The following RBFOX1 variants were observed in gnomAD, a reference collection of about 807,000 sequenced individuals.
The protein encoded by RBFOX1 is RNA binding protein fox-1 homolog 1.
Under a neutral mutation model 57.7 loss-of-function variants are expected in RBFOX1, and 8 were observed. The ratio of observed to expected loss-of-function variants is 0.14; its 90% confidence interval spans 0.08 to 0.25. The LOEUF (loss-of-function observed/expected upper bound fraction) is 0.25. Ranked by LOEUF, RBFOX1 falls within the 10% of genes least tolerant of loss-of-function variation. The pLI is 1.00. For synonymous variants in RBFOX1, 326 were observed against 222.4 expected (o/e 1.47, Z -4.15); for missense variants, 611 against 548.5 (o/e 1.11, Z -1.14).
chr16:6,487,144 C>CTGTGTGTGTGTGTGTGTGTGTG (rs60180975), intron 2 of RBFOX1, among the ~76,000 whole-genome samples: 2 of 140,116 alleles, frequency 1.4e-5, no homozygotes, highest in African/African-American at 5.3e-5. Flanking sequence ...TGTGGGGTTT[C>CTGTGTGTGTGTGTGTGTGTGTG]TGTGTGTGTG....
chr16:6,840,512 G>C (rs1389226701), intron 3 of RBFOX1, among the ~76,000 whole-genome samples: 2 of 152,110 alleles, frequency 1.3e-5, no homozygotes, highest in African/African-American at 2.4e-5. Context: ...CTAATCCCAA[G>C]GTGATAGTAT....
At chr16:5,425,425 A>G (rs74724805) in intron 1 of RBFOX1, among the ~76,000 whole-genome samples, 2,988 of 152,096 alleles carry the variant, frequency 0.02, 48 homozygotes, top group South Asian at 0.032. Flanking sequence ...TTTCTATGCT[A>G]AGTCCCCAAA....
intron 3 of RBFOX1, among the ~76,000 whole-genome samples, chr16:6,733,020 C>G (rs1374030046): frequency 6.6e-6 from 1 of 152,158 alleles, no homozygotes; most frequent in Non-Finnish European, 1.5e-5. Flanking sequence ...AGGTTAGGTA[C>G]ATAGTCTTTT....
intron 3 of RBFOX1, among the ~76,000 whole-genome samples, chr16:6,966,941 G>C (rs1413059175): frequency 2.0e-5 from 3 of 146,522 alleles, no homozygotes; most frequent in African/African-American, 7.9e-5. Context: ...CCATCCATTG[G>C]CCTACCTATT....
At chr16:6,424,623 G>GTGTGTGTGTGTGTGTA (rs1203371278) in intron 2 of RBFOX1, among the ~76,000 whole-genome samples, 2 of 151,912 alleles carry the variant, frequency 1.3e-5, no homozygotes, top group African/African-American at 4.8e-5. Flanking sequence ...GTGTGTGCGT[G>GTGTGTGTGTGTGTGTA]TGTGTGAACG....
chr16:7,379,010 C>G (rs190014358), intron 4 of RBFOX1, among the ~76,000 whole-genome samples: 2 of 152,228 alleles, frequency 1.3e-5, no homozygotes, highest in East Asian at 1.9e-4. Context: ...TATCTACTCT[C>G]TAAATGCAGT....
intron 3 of RBFOX1, among the ~76,000 whole-genome samples, chr16:6,822,098 G>T (rs2154277410): frequency 6.6e-6 from 1 of 152,224 alleles, no homozygotes; most frequent in Non-Finnish European, 1.5e-5. Flanking sequence ...TGATTTTTCT[G>T]CAGCTACTGG....
At chr16:6,246,859 A>G (rs2097571979) in intron 1 of RBFOX1, among the ~76,000 whole-genome samples, 1 of 152,272 alleles carries the variant, frequency 6.6e-6, no homozygotes, top group African/African-American at 2.4e-5. Flanking sequence ...ACCTGAGGTC[A>G]GGAGTTTGAG....
At chr16:6,231,824 C>T (rs1349850727) in intron 1 of RBFOX1, among the ~76,000 whole-genome samples, 3 of 119,622 alleles carry the variant, frequency 2.5e-5, no homozygotes, top group African/African-American at 6.2e-5. Flanking sequence ...AATTCTGTAG[C>T]TTTCCAGTTT....
chr16:6,799,187 A>T (rs973867061), intron 3 of RBFOX1, among the ~76,000 whole-genome samples: 4 of 152,118 alleles, frequency 2.6e-5, no homozygotes, highest in African/African-American at 4.8e-5. Context: ...AAGTGTGCTG[A>T]TGGAGGAGAG....
At position 7,137,138 on chromosome 16, in the gene RBFOX1, G is replaced by A. The variant is rs116525300; in HGVS notation, c.27+85040G>A. Among the ~76,000 whole-genome samples, 247 of 152,344 alleles carry A rather than the reference G, an allele frequency of 1.6e-3. 1 individual carries two copies. Among genetic ancestry groups the A allele is most frequent in the African/African-American group, 5.7e-3 (237 of 41,578 alleles). On this transcript the variant is annotated intron_variant, in intron 4 of 15. Coordinates refer to ENST00000550418, the MANE Select transcript of RBFOX1 (RefSeq NM_018723.4). ...CTAAAATAAATACCTAAAGAATGAT[G>A]CAGTGGGTTTCTAGGTACATCTGAG...
At chr16:5,483,244 G>T (rs2069608224) in intron 2 of RBFOX1, among the ~76,000 whole-genome samples, 2 of 152,184 alleles carry the variant, frequency 1.3e-5, no homozygotes, top group African/African-American at 4.8e-5. Flanking sequence ...AGTTCTAGAA[G>T]CACCAGTAGC....
intron 3 of RBFOX1, among the ~76,000 whole-genome samples, chr16:5,853,970 A>G (rs561907329): frequency 2.6e-5 from 4 of 152,312 alleles, no homozygotes; most frequent in South Asian, 2.1e-4. Context: ...TTTAATTACA[A>G]ACTAATCCCT....
At chr16:6,893,883 G>C (rs774322828) in intron 3 of RBFOX1, among the ~76,000 whole-genome samples, 1 of 152,182 alleles carries the variant, frequency 6.6e-6, no homozygotes, top group Admixed American at 6.5e-5. Context: ...TAGGTTGTCT[G>C]ATAGGGTCAG....
At chr16:5,423,212 G>A (rs547082207) in intron 1 of RBFOX1, among the ~76,000 whole-genome samples, 10 of 152,082 alleles carry the variant, frequency 6.6e-5, no homozygotes, top group East Asian at 5.8e-4. Flanking sequence ...ATTTTCCTCC[G>A]CTTCCCCCAA....
At chr16:7,610,139 T>TTTTTTTTTTTTTTTTTGG (rs2057174916) in intron 10 of RBFOX1, among the ~76,000 whole-genome samples, 2 of 127,722 alleles carry the variant, frequency 1.6e-5, no homozygotes, top group Admixed American at 8.0e-5. Flanking sequence ...TTTTTTTTTT[T>TTTTTTTTTTTTTTTTTGG]GAGGCAGTTT....
At chr16:5,551,594 C>G (rs138009796) in intron 2 of RBFOX1, among the ~76,000 whole-genome samples, 2 of 152,162 alleles carry the variant, frequency 1.3e-5, no homozygotes, top group African/African-American at 2.4e-5. Flanking sequence ...GCTTTCAGCA[C>G]GGTGATTCGG....
chr16:6,495,140 A>G (rs1377179061), intron 2 of RBFOX1, among the ~76,000 whole-genome samples: 2 of 152,064 alleles, frequency 1.3e-5, no homozygotes, highest in Non-Finnish European at 2.9e-5. Context: ...TTATTTTGAG[A>G]TGAACTTTCA....
chr16:6,072,925 C>G (rs147268041), intron 1 of RBFOX1, among the ~76,000 whole-genome samples: 3 of 152,240 alleles, frequency 2.0e-5, no homozygotes, highest in African/African-American at 4.8e-5. Context: ...TATGCCCAAG[C>G]TCATCAAATT....
Sources: allele counts gnomAD v4.1 joint callset (sites outside exome capture counted in the v4.1 genomes callset), GRCh38; gene constraint gnomAD v4.1.1; transcripts MANE v1.5; gene names NCBI Gene and HGNC (gene_info 2026-07-23, HGNC 2026-07-21).